The following RASSF6 variants were observed in gnomAD, a reference collection of about 807,000 sequenced individuals.
RASSF6 encodes ras association domain-containing protein 6.
In RASSF6, 52 loss-of-function variants were observed where a neutral mutation model predicts 44.0. The ratio of observed to expected loss-of-function variants is 1.18; its 90% confidence interval spans 0.95 to 1.49. The LOEUF is 1.49. Among genes scored for constraint, RASSF6 ranks in the 40% most tolerant of loss-of-function variants. RASSF6 has a pLI of 0.00. For missense variants in RASSF6, 464 were observed against 393.3 expected (o/e 1.18, Z -1.52); for synonymous variants, 162 against 124.6 (o/e 1.30, Z -2.00).
At chr4:73,616,185 T>C (rs1400957807) in intron 1 of RASSF6, among the ~76,000 whole-genome samples, 2 of 152,150 alleles carry the variant, frequency 1.3e-5, no homozygotes, top group African/African-American at 2.4e-5. Flanking sequence ...ATAATGCTAA[T>C]GATTTTACAA....
intron 6 of RASSF6, among the ~76,000 whole-genome samples, chr4:73,583,339 A>G (rs1046263148): frequency 6.6e-6 from 1 of 152,130 alleles, no homozygotes; most frequent in Non-Finnish European, 1.5e-5. Flanking sequence ...ATTTAAATCT[A>G]TAGTCTTTAT....
intron 2 of RASSF6, among the ~76,000 whole-genome samples, chr4:73,602,579 T>C (rs1018725904): frequency 3.4e-4 from 6 of 17,772 alleles, no homozygotes; most frequent in African/African-American, 9.3e-4. Context: ...ACAGATTTTT[T>C]TAGGGTCCAC....
In RASSF6 at chr4:73,576,479, G is replaced by A; in HGVS notation, c.869C>T (p.Ser290Phe). The stretch of plus-strand genomic sequence containing the variant: ...TCTTTGAAGAATGGATTCCAAGAGA[G>A]AAAAGTGAAAGTTAATGTACTGAGC... ...DVAQYINFHF[S>F]LLESILQRLN... Residue 290 changes from serine (S) to phenylalanine (F), a missense_variant, in exon 10 of 11, where the codon TCT becomes TTT. Physicochemically the swap from Ser to Phe is radical, Grantham distance 155. Coordinates refer to ENST00000307439, the MANE Select transcript of RASSF6 (RefSeq NM_177532.5). 2 of 1,579,810 alleles carry A rather than the reference G, an allele frequency of 1.3e-6. No homozygotes were observed. The highest frequency in any genetic ancestry group is 1.7e-6 in the Non-Finnish European group (2 of 1,161,368).
At chr4:73,606,239 A>T (rs1334196480) in intron 2 of RASSF6, among the ~76,000 whole-genome samples, 1 of 152,254 alleles carries the variant, frequency 6.6e-6, no homozygotes, top group African/African-American at 2.4e-5. Context: ...TAGCCATAAA[A>T]AAGAGCAAAA....
At chr4:73,617,752 T>A (rs528744540) in intron 1 of RASSF6, among the ~76,000 whole-genome samples, 25 of 152,372 alleles carry the variant, frequency 1.6e-4, no homozygotes, top group African/African-American at 5.3e-4. Flanking sequence ...ATGAAATCAC[T>A]ATAATTTATC....
intron 3 of RASSF6, among the ~76,000 whole-genome samples, chr4:73,594,738 A>G (rs1289428875): frequency 3.3e-5 from 5 of 152,218 alleles, no homozygotes; most frequent in Non-Finnish European, 2.9e-5. Context: ...CAACAATCAA[A>G]CACAATTTAT....
intron 2 of RASSF6, among the ~76,000 whole-genome samples, chr4:73,601,885 G>A (rs946852132): frequency 3.3e-5 from 5 of 152,200 alleles, no homozygotes; most frequent in Non-Finnish European, 7.3e-5. Flanking sequence ...CCATCCCACA[G>A]AAGGTCATTT....
At chr4:73,593,363 C>T (rs1724709628) in intron 4 of RASSF6, 88 bp downstream of exon 4, 1 of 1,271,570 alleles carries the variant, frequency 7.9e-7, no homozygotes, top group Non-Finnish European at 1.1e-6. Context: ...TTTACACAAG[C>T]TTAAGTTTCC....
At chr4:73,595,190 AT>A (rs1255575885) in intron 3 of RASSF6, among the ~76,000 whole-genome samples, 1 of 152,138 alleles carries the variant, frequency 6.6e-6, no homozygotes, top group Non-Finnish European at 1.5e-5. Flanking sequence ...AAAAAATTAA[AT>A]AACTTTTTTT....
chr4:73,617,157 T>G (rs1460357660), intron 1 of RASSF6, among the ~76,000 whole-genome samples: 1 of 152,166 alleles, frequency 6.6e-6, no homozygotes, highest in East Asian at 1.9e-4. Context: ...AGAAATAATG[T>G]ATTATAATCA....
rs549429010 is a variant in RASSF6, at chr4:73,571,721, C to T, written c.*4514G>A. On this transcript the variant is annotated 3_prime_UTR_variant, in exon 11 of 11. Transcript: ENST00000307439. The stretch of plus-strand genomic sequence containing the variant: ...ATTTTTATTGAGCACATCCTACGCA[C>T]AAGACACAATATTAGGTACAGAAAA... 1 of 151,906 alleles carries T rather than the reference C, an allele frequency of 6.6e-6. No individual in the cohort carries two copies. Among genetic ancestry groups the T allele is most frequent in the South Asian group, 2.1e-4 (1 of 4,818 alleles). 9.4% of individuals were successfully genotyped at this position (151,906 alleles called of 1,614,324 possible).
chr4:73,593,037 T>C (rs1489909158), intron 4 of RASSF6, among the ~76,000 whole-genome samples: 7 of 119,800 alleles, frequency 5.8e-5, no homozygotes, highest in African/African-American at 2.2e-4. Flanking sequence ...TTTTTTTTTT[T>C]CAAAGTCTCA....
chr4:73,577,114 G>T (rs765106609), intron 8 of RASSF6, among the ~76,000 whole-genome samples: 2 of 151,988 alleles, frequency 1.3e-5, no homozygotes, highest in African/African-American at 2.4e-5. Flanking sequence ...CCATCTTTCT[G>T]GTTCTTCAGG....
intron 5 of RASSF6, among the ~76,000 whole-genome samples, chr4:73,585,938 T>C (rs1262579875): frequency 6.7e-6 from 1 of 149,456 alleles, no homozygotes; most frequent in African/African-American, 2.5e-5. Flanking sequence ...ACCCATTAAC[T>C]CGTCATTTAG....
chr4:73,590,339 G>A (rs536282800), intron 4 of RASSF6, among the ~76,000 whole-genome samples: 17 of 152,330 alleles, frequency 1.1e-4, no homozygotes, highest in African/African-American at 3.6e-4. Flanking sequence ...CCTTCCTGCA[G>A]CTGAAGTTCT....
At chr4:73,599,525 G>GT (rs1390936922) in intron 2 of RASSF6, among the ~76,000 whole-genome samples, 1 of 152,198 alleles carries the variant, frequency 6.6e-6, no homozygotes, top group African/African-American at 2.4e-5. Flanking sequence ...AACAGCTGTG[G>GT]TAAGGAATGC....
chr4:73,611,913 GTC>G, intron 1 of RASSF6, 84 bp from the exon 2 acceptor site: 1 of 897,504 alleles, frequency 1.1e-6, no homozygotes, highest in Non-Finnish European at 1.7e-6. Flanking sequence ...GTTTTGTTGT[GTC>G]TCTAGAGTAT....
rs1301307086 is a variant in RASSF6 at position 73,572,683 on chromosome 4, T to C, written c.*3552A>G. 1 of 152,204 alleles carries C rather than the reference T, an allele frequency of 6.6e-6. No homozygotes were observed. The highest frequency in any genetic ancestry group is 1.5e-5 in the Non-Finnish European group (1 of 68,016). The allele number at this position is 152,204 out of a possible 1,614,324, so 9.4% of individuals were successfully genotyped here. Reference sequence around the variant, plus strand: ...TGATGTTAATGTCTCATTTGAATAATTGATTTGAAATTTTTTGCATTTGGT... The same window carrying C: ...TGATGTTAATGTCTCATTTGAATAACTGATTTGAAATTTTTTGCATTTGGT... On this transcript the variant is annotated 3_prime_UTR_variant, in exon 11 of 11. Coordinates refer to ENST00000307439, the MANE Select transcript of RASSF6 (RefSeq NM_177532.5).
At chr4:73,612,480 T>TTTTCTTTC (rs755419130) in intron 1 of RASSF6, among the ~76,000 whole-genome samples, 1 of 63,248 alleles carries the variant, frequency 1.6e-5, no homozygotes, top group African/African-American at 5.9e-5. Flanking sequence ...TTCAGTTTTC[T>TTTTCTTTC]TTTTTTTTTT....
Sources: allele counts gnomAD v4.1 joint callset (sites outside exome capture counted in the v4.1 genomes callset), GRCh38; gene constraint gnomAD v4.1.1; transcripts MANE v1.5; gene names NCBI Gene and HGNC (gene_info 2026-07-23, HGNC 2026-07-21).